Variants in STK3 observed in about 807,000 individuals in gnomAD.
The protein encoded by STK3 is serine/threonine kinase 3, also known as serine/threonine-protein kinase 3.
Under a neutral mutation model 58.0 loss-of-function variants are expected in STK3, and 41 were observed. That is an observed-to-expected ratio of 0.71 (90% CI 0.55 to 0.92). The LOEUF is 0.92. Among genes scored for constraint, STK3 ranks in the 40% least tolerant of loss-of-function variants. The pLI is 0.00. For missense variants in STK3, 479 were observed against 602.7 expected (o/e 0.79, Z 2.15); for synonymous variants, 170 against 191.0 (o/e 0.89, Z 0.91).
At position 98,609,742 on chromosome 8, in the gene STK3, C is replaced by T. The variant is rs958705102; in HGVS notation, c.685-13573G>A. ...TTGGGAGGCTGACGCGGGTGGATCA[C>T]GAGGTCAGGAGATCGAGACCATCCT... On this transcript the variant is annotated intron_variant, in intron 6 of 10. Transcript: ENST00000419617. 6.6e-5 allele frequency among the ~76,000 whole-genome samples: 10 copies of T among 151,964 alleles called. 1 individual carries two copies. The highest frequency in any genetic ancestry group is 5.2e-4 in the Admixed American group (8 of 15,244).
the STK3 span, among the ~76,000 whole-genome samples, chr8:98,349,260 A>G: frequency 6.6e-6 from 1 of 152,206 alleles, no homozygotes; most frequent in Non-Finnish European, 1.5e-5. Context: ...GAGAGATGAA[A>G]AGGAGAGGTA....
At chr8:98,698,265 G>A (rs1350743798) in intron 6 of STK3, among the ~76,000 whole-genome samples, 26 of 151,364 alleles carry the variant, frequency 1.7e-4, no homozygotes, top group Middle Eastern at 6.8e-3. Context: ...GTCTCTGCAC[G>A]TGAGATGGGT....
At chr8:98,585,956 A>C (rs199687396) in intron 7 of STK3, among the ~76,000 whole-genome samples, 38 of 152,002 alleles carry the variant, frequency 2.5e-4, no homozygotes, top group Admixed American at 1.6e-3. Context: ...TGTATCCTGA[A>C]ACTTTGCTGA....
chr8:98,709,784 T>A (rs1406208305), intron 4 of STK3, among the ~76,000 whole-genome samples: 1 of 152,124 alleles, frequency 6.6e-6, no homozygotes, highest in Non-Finnish European at 1.5e-5. Context: ...AAGGAAACTA[T>A]CTCACCATAG....
intron 10 of STK3, among the ~76,000 whole-genome samples, chr8:98,510,485 C>T (rs903637524): frequency 2.0e-5 from 3 of 151,824 alleles, no homozygotes; most frequent in Non-Finnish European, 4.4e-5. Context: ...GTAAATAAAT[C>T]CTGACTAATT....
At chr8:98,420,592 GTTGT>G (rs1011861248) in intron 3 of STK3, among the ~76,000 whole-genome samples, 13 of 152,156 alleles carry the variant, frequency 8.5e-5, no homozygotes, top group Admixed American at 2.6e-4. Flanking sequence ...GGATTTGGGG[GTTGT>G]TTGTTACAGC....
intron 1 of STK3, among the ~76,000 whole-genome samples, chr8:98,896,380 T>C (rs567807477): frequency 6.6e-6 from 1 of 152,322 alleles, no homozygotes; most frequent in South Asian, 2.1e-4. Context: ...ATGTATTAAA[T>C]AGACAAACTA....
intron 10 of STK3, among the ~76,000 whole-genome samples, chr8:98,524,005 G>C (rs1161557042): frequency 6.6e-6 from 1 of 151,878 alleles, no homozygotes; most frequent in East Asian, 1.9e-4. Context: ...TAAGATCTTT[G>C]GCCCATTTTG....
At chr8:98,420,072 C>T (rs757495739) in intron 3 of STK3, among the ~76,000 whole-genome samples, 40 of 152,132 alleles carry the variant, frequency 2.6e-4, no homozygotes, top group Non-Finnish European at 3.8e-4. Context: ...TCCCCCTTGT[C>T]CGAGGTTCTA....
intron 3 of STK3, among the ~76,000 whole-genome samples, chr8:98,864,581 A>G (rs1168159797): frequency 1.3e-5 from 2 of 152,230 alleles, no homozygotes; most frequent in East Asian, 3.8e-4. Context: ...TTCCCAAACC[A>G]CATGGTTTCC....
intron 6 of STK3, chr8:98,651,655 T>C (rs1269249087): frequency 1.3e-5 from 2 of 152,220 alleles, no homozygotes; most frequent in African/African-American, 4.8e-5. Flanking sequence ...AAGGAGCTGA[T>C]GGAGCTGAAA....
chr8:98,588,565 C>G (rs1169885811), intron 7 of STK3, among the ~76,000 whole-genome samples: 1 of 152,058 alleles, frequency 6.6e-6, no homozygotes, highest in Non-Finnish European at 1.5e-5. Context: ...GTGAATCTGA[C>G]AATTATGTGT....
rs941850364 is a variant in STK3, at chr8:98,604,286, A to T, written c.685-8117T>A. Among the ~76,000 whole-genome samples, 4 of 152,070 alleles carry T rather than the reference A, an allele frequency of 2.6e-5. No homozygotes were observed. The East Asian group carries it at 7.7e-4, about 29-fold the overall frequency. On this transcript the variant is annotated intron_variant, in intron 6 of 10. Coordinates refer to ENST00000419617, the MANE Select transcript of STK3 (RefSeq NM_006281.4). ...GAAAGCTCCAAAATAATCTCCTTTGACTCCATGTCCCACATCCAGGGCACA... is the reference window on the plus strand; with the variant it reads ...GAAAGCTCCAAAATAATCTCCTTTGTCTCCATGTCCCACATCCAGGGCACA...
At chr8:98,469,733 T>C (rs1316123332) in intron 10 of STK3, among the ~76,000 whole-genome samples, 1 of 152,242 alleles carries the variant, frequency 6.6e-6, no homozygotes, top group Non-Finnish European at 1.5e-5. Flanking sequence ...CAGTTCAGTC[T>C]TAAAAAGTCC....
At chr8:98,504,189 T>A (rs1563675777) in intron 10 of STK3, among the ~76,000 whole-genome samples, 2 of 152,210 alleles carry the variant, frequency 1.3e-5, no homozygotes, top group Non-Finnish European at 2.9e-5. Flanking sequence ...AAAGTCTGTT[T>A]TATCAGAGAC....
At chr8:98,719,187 A>G (rs1827232546) in intron 4 of STK3, among the ~76,000 whole-genome samples, 1 of 152,126 alleles carries the variant, frequency 6.6e-6, no homozygotes, top group Non-Finnish European at 1.5e-5. Context: ...ATGTGCACCT[A>G]GCTTTTCTCG....
At chr8:98,855,526 G>A (rs1191889872) in intron 3 of STK3, among the ~76,000 whole-genome samples, 1 of 152,132 alleles carries the variant, frequency 6.6e-6, no homozygotes, top group African/African-American at 2.4e-5. Flanking sequence ...ATTGGTTAGT[G>A]ACATAATAGA....
rs183435455 is a variant in STK3 at position 98,673,157 on chromosome 8, A to G, written c.684+33310T>C. Among the ~76,000 whole-genome samples the G allele has an allele frequency of 4.5e-3, 680 of 152,310 alleles. 8 individuals carry two copies. Among genetic ancestry groups the G allele is most frequent in the East Asian group, 6.0e-3 (31 of 5,186 alleles). ...AACCTAAATTTTTCCAGTTGCCTCA[A>G]TGTTATATAATTCCCTTTTCAATTT... On this transcript the variant is annotated intron_variant, in intron 6 of 10. Transcript: ENST00000419617.
At chr8:98,747,648 G>A (rs1433344335) in intron 4 of STK3, among the ~76,000 whole-genome samples, 1 of 152,146 alleles carries the variant, frequency 6.6e-6, no homozygotes, top group African/African-American at 2.4e-5. Flanking sequence ...GAAGAAAAAT[G>A]TCCTTGCACT....
Sources: gnomAD v4.1 joint callset for allele counts (sites outside exome capture counted in the v4.1 genomes callset) on GRCh38, gnomAD v4.1.1 for gene constraint, MANE v1.5 for transcripts, NCBI Gene and HGNC (gene_info 2026-07-23, HGNC 2026-07-21) for gene names.